The following PPM1H variants were observed in gnomAD, a reference collection of about 807,000 sequenced individuals.
PPM1H encodes protein phosphatase 1H.
Under a neutral mutation model 54.9 loss-of-function variants are expected in PPM1H, and 27 were observed. The ratio of observed to expected loss-of-function variants is 0.49; its 90% confidence interval spans 0.36 to 0.68. The LOEUF is 0.68. PPM1H is among the 30% of genes least tolerant of loss of function. The pLI is 0.00. For synonymous variants in PPM1H, 305 were observed against 270.8 expected (o/e 1.13, Z -1.24); for missense variants, 596 against 667.8 (o/e 0.89, Z 1.19).
chr12:62,853,011 A>G (rs1280949870), intron 1 of PPM1H, among the ~76,000 whole-genome samples: 2 of 152,268 alleles, frequency 1.3e-5, no homozygotes, highest in African/African-American at 4.8e-5. Flanking sequence ...GATAGTCTGT[A>G]GAAAACTAGT....
chr12:62,755,926 C>A (rs1197329763), intron 4 of PPM1H: 2 of 809,126 alleles, frequency 2.5e-6, no homozygotes, highest in African/African-American at 1.7e-5. Flanking sequence ...GCATGGCCTT[C>A]TGTGTCCCTA....
At chr12:62,915,538 T>G (rs1041900892) in intron 1 of PPM1H, among the ~76,000 whole-genome samples, 2 of 152,180 alleles carry the variant, frequency 1.3e-5, no homozygotes, top group Non-Finnish European at 2.9e-5. Context: ...GGGACCTCCA[T>G]CCATGACAAA....
rs150042722 is a variant in PPM1H at position 62,722,637 on chromosome 12, C to A, written c.955-2348G>T. 2.0e-5 allele frequency among the ~76,000 whole-genome samples: 3 copies of A among 152,262 alleles called. No homozygotes were observed. In the East Asian group the frequency reaches 5.8e-4, roughly 29 times the overall value. ...GTAAACCTTGTTAAAAGAACTCACA[C>A]ACACAGAGCCACACACAGTATGGGC... is the stretch of plus-strand genomic sequence containing the variant. On this transcript the variant is annotated intron_variant, in intron 5 of 9. Coordinates refer to ENST00000228705, the MANE Select transcript of PPM1H (RefSeq NM_020700.2).
At chr12:62,746,222 T>G (rs2076409886) in intron 4 of PPM1H, among the ~76,000 whole-genome samples, 1 of 151,960 alleles carries the variant, frequency 6.6e-6, no homozygotes, top group Non-Finnish European at 1.5e-5. Context: ...AAAAACAAAG[T>G]GTGAACAGGT....
chr12:62,826,097 T>G (rs1025803746), intron 2 of PPM1H, among the ~76,000 whole-genome samples: 4 of 152,202 alleles, frequency 2.6e-5, no homozygotes, highest in African/African-American at 9.7e-5. Context: ...GAATTGGTAT[T>G]TGGGATGGCT....
At chr12:62,792,854 A>G (rs2076708212) in intron 3 of PPM1H, among the ~76,000 whole-genome samples, 1 of 152,210 alleles carries the variant, frequency 6.6e-6, no homozygotes. Flanking sequence ...TTCTTTTACT[A>G]TCAGAGCAAA....
At chr12:62,867,241 C>G (rs555765853) in intron 1 of PPM1H, among the ~76,000 whole-genome samples, 4 of 152,270 alleles carry the variant, frequency 2.6e-5, no homozygotes, top group African/African-American at 9.6e-5. Context: ...TAAGTCATAG[C>G]TTCAATGCCT....
At chr12:62,821,588 T>G (rs998443082) in intron 2 of PPM1H, among the ~76,000 whole-genome samples, 1 of 152,190 alleles carries the variant, frequency 6.6e-6, no homozygotes. Context: ...GCAGAAACTC[T>G]ACAAGCCAGA....
intron 5 of PPM1H, among the ~76,000 whole-genome samples, chr12:62,724,246 T>C (rs1045366406): frequency 1.3e-5 from 2 of 152,230 alleles, no homozygotes; most frequent in Non-Finnish European, 2.9e-5. Flanking sequence ...TAAATCAATT[T>C]GTTTGCTTTT....
chr12:62,758,675 A>C (rs2076488868), intron 4 of PPM1H, among the ~76,000 whole-genome samples: 1 of 152,178 alleles, frequency 6.6e-6, no homozygotes, highest in Non-Finnish European at 1.5e-5. Flanking sequence ...TGGAGGAAAA[A>C]AAAGGAGCAT....
chr12:62,891,578 C>T (rs139814216), intron 1 of PPM1H, among the ~76,000 whole-genome samples: 15 of 152,336 alleles, frequency 9.8e-5, no homozygotes, highest in African/African-American at 3.6e-4. Context: ...ATATGCTCCA[C>T]TATTGTCTCT....
chr12:62,705,776 A>G (rs78990590), intron 6 of PPM1H, among the ~76,000 whole-genome samples: 10,763 of 152,300 alleles, frequency 0.071, 495 homozygotes, highest in Non-Finnish European at 0.11. Context: ...TTTCTCAGAG[A>G]CCATTTATTC....
chr12:62,767,813 C>A (rs575672241), intron 4 of PPM1H, among the ~76,000 whole-genome samples: 13 of 152,334 alleles, frequency 8.5e-5, no homozygotes, highest in African/African-American at 3.1e-4. Context: ...CTCTTCCCAG[C>A]TTCTGGTGAT....
At chr12:62,836,238 C>G (rs1024197925) in intron 1 of PPM1H, among the ~76,000 whole-genome samples, 7 of 152,216 alleles carry the variant, frequency 4.6e-5, no homozygotes, top group Admixed American at 4.6e-4. Context: ...AAGTATTTTT[C>G]TGGAAATTAA....
At chr12:62,715,196 C>G (rs1567632) in intron 6 of PPM1H, among the ~76,000 whole-genome samples, 1 of 152,148 alleles carries the variant, frequency 6.6e-6, no homozygotes, top group South Asian at 2.1e-4. Context: ...ATACACTGCT[C>G]TCAAGGCAAC....
At chr12:62,667,858 T>C (rs2075928839) in intron 8 of PPM1H, among the ~76,000 whole-genome samples, 1 of 152,062 alleles carries the variant, frequency 6.6e-6, no homozygotes, top group African/African-American at 2.4e-5. Context: ...TGTCTAGGAG[T>C]AACGAGACAT....
Position 62,901,451 on chromosome 12 carries a change from T to C in PPM1H, c.245+33041A>G, listed in dbSNP as rs17098532. 8.5e-3 allele frequency among the ~76,000 whole-genome samples: 1,289 copies of C among 152,360 alleles called. 19 individuals carry two copies. The highest frequency in any genetic ancestry group is 0.027 in the African/African-American group (1,126 of 41,586). ...TCTGAGGCAAGCCAAAGAGAAATGT[T>C]GGCAGTTTGTGCCTTCAGGCAACAG... is the stretch of plus-strand genomic sequence containing the variant. On this transcript the variant is annotated intron_variant, in intron 1 of 9. Transcript: ENST00000228705.
intron 6 of PPM1H, among the ~76,000 whole-genome samples, chr12:62,702,587 C>T (rs957410922): frequency 3.5e-5 from 4 of 113,558 alleles, no homozygotes; most frequent in African/African-American, 1.6e-4. Context: ...AGAGAAATAC[C>T]ACTTGTTTCC....
chr12:62,916,640 C>CA (rs1212394833), intron 1 of PPM1H, among the ~76,000 whole-genome samples: 1 of 149,202 alleles, frequency 6.7e-6, no homozygotes, highest in Non-Finnish European at 1.5e-5. Flanking sequence ...TTTTTGGTGA[C>CA]AAAAAAATTA....
Sources: allele counts gnomAD v4.1 joint callset (sites outside exome capture counted in the v4.1 genomes callset), GRCh38; gene constraint gnomAD v4.1.1; transcripts MANE v1.5; gene names NCBI Gene and HGNC (gene_info 2026-07-23, HGNC 2026-07-21).